Variants in LRRC28 observed in about 807,000 individuals in gnomAD.
LRRC28 encodes leucine-rich repeat-containing protein 28.
In LRRC28, 39 loss-of-function variants were observed where a neutral mutation model predicts 45.7. The observed-to-expected ratio is 0.85, with a 90% CI of 0.66 to 1.12. LRRC28 has a LOEUF of 1.12. Ranked by LOEUF, LRRC28 falls within the 50% of genes most tolerant of loss-of-function variation. LRRC28 has a pLI of 0.00. For synonymous variants in LRRC28, 206 were observed against 178.8 expected, an observed-to-expected ratio of 1.15 and a Z score of -1.22; for missense variants, 435 against 438.5, an observed-to-expected ratio of 0.99 and a Z score of 0.07.
intron 9 of LRRC28, among the ~76,000 whole-genome samples, chr15:99,370,354 C>G (rs1004195667): frequency 6.6e-6 from 1 of 152,120 alleles, no homozygotes; most frequent in Non-Finnish European, 1.5e-5. Flanking sequence ...AAGGTACTTT[C>G]GAAATATATG....
chr15:99,357,038 T>C (rs959307622), intron 7 of LRRC28, among the ~76,000 whole-genome samples: 11 of 152,200 alleles, frequency 7.2e-5, no homozygotes, highest in African/African-American at 2.7e-4. Context: ...TCTTTCCATC[T>C]CCATATCCAC....
At chr15:99,330,521 AT>A in intron 5 of LRRC28, among the ~76,000 whole-genome samples, 1 of 151,642 alleles carries the variant, frequency 6.6e-6, no homozygotes. Context: ...TTTCTTGTCT[AT>A]TTTTTTCTGA....
At chr15:99,256,287 T>C in intron 2 of LRRC28, 162 bp downstream of exon 2, 1 of 539,572 alleles carries the variant, frequency 1.9e-6, no homozygotes, top group Non-Finnish European at 3.0e-6. Flanking sequence ...TGGCTATGAA[T>C]TTGTTATCCA....
chr15:99,373,524 CTAA>C (rs1957542356), intron 9 of LRRC28, among the ~76,000 whole-genome samples: 1 of 152,116 alleles, frequency 6.6e-6, no homozygotes, highest in African/African-American at 2.4e-5. Context: ...CTTTGTATTA[CTAA>C]CAATGCAATT....
intron 3 of LRRC28, among the ~76,000 whole-genome samples, chr15:99,284,124 C>T (rs764937997): frequency 5.5e-4 from 84 of 152,264 alleles, no homozygotes; most frequent in Non-Finnish European, 8.7e-4. Context: ...CTTCAGAGCC[C>T]GCTCTCTGAT....
chr15:99,271,895 G>T (rs1345999405), intron 2 of LRRC28, among the ~76,000 whole-genome samples: 1 of 152,142 alleles, frequency 6.6e-6, no homozygotes, highest in Non-Finnish European at 1.5e-5. Context: ...CACTGCACCT[G>T]GCCAGTGTAT....
intron 2 of LRRC28, among the ~76,000 whole-genome samples, chr15:99,267,824 T>A (rs2081371431): frequency 6.6e-6 from 1 of 152,200 alleles, no homozygotes; most frequent in Non-Finnish European, 1.5e-5. Flanking sequence ...GTCAGTAATG[T>A]GAAACGGTGA....
chr15:99,359,403 C>G (rs1434649885), intron 7 of LRRC28, among the ~76,000 whole-genome samples: 2 of 152,168 alleles, frequency 1.3e-5, no homozygotes, highest in Non-Finnish European at 2.9e-5. Context: ...GGACAGTTTA[C>G]AGAAGAAGAA....
intron 3 of LRRC28, among the ~76,000 whole-genome samples, chr15:99,278,298 G>A (rs1445035095): frequency 1.3e-5 from 2 of 152,166 alleles, no homozygotes; most frequent in Non-Finnish European, 2.9e-5. Context: ...ACCCAGGCTG[G>A]AGTGCAGTGG....
intron 3 of LRRC28, chr15:99,285,794 T>C (rs2081942892): frequency 4.3e-6 from 2 of 469,050 alleles, no homozygotes; most frequent in Admixed American, 2.8e-5. Context: ...GGCAAGTATT[T>C]TGTTGAAAAA....
chr15:99,352,198 A>G (rs1011020149), intron 6 of LRRC28, among the ~76,000 whole-genome samples, 171 bp from the exon 7 acceptor site: 1 of 152,238 alleles, frequency 6.6e-6, no homozygotes, highest in African/African-American at 2.4e-5. Flanking sequence ...ATCAAGGGGC[A>G]GAACTAGGCT....
At chr15:99,380,093 G>C (rs1957771774) in intron 9 of LRRC28, among the ~76,000 whole-genome samples, 1 of 152,294 alleles carries the variant, frequency 6.6e-6, no homozygotes, top group Non-Finnish European at 1.5e-5. Context: ...GGATATCCTT[G>C]TTAACTTTCT....
At chr15:99,329,916 A>G (rs916223789) in intron 5 of LRRC28, among the ~76,000 whole-genome samples, 4 of 152,280 alleles carry the variant, frequency 2.6e-5, no homozygotes, top group East Asian at 3.9e-4. Flanking sequence ...GCTTGTAACT[A>G]TTATACCCAT....
At chr15:99,318,543 T>C (rs138645807) in intron 5 of LRRC28, among the ~76,000 whole-genome samples, 22 of 152,192 alleles carry the variant, frequency 1.4e-4, no homozygotes, top group African/African-American at 5.1e-4. Flanking sequence ...ACCCTTGATA[T>C]TAATCATTTT....
At chr15:99,295,433 G>A (rs2082237781) in intron 5 of LRRC28, among the ~76,000 whole-genome samples, 1 of 152,102 alleles carries the variant, frequency 6.6e-6, no homozygotes, top group Non-Finnish European at 1.5e-5. Context: ...AAGGATTGTT[G>A]GGGAAAGGCT....
rs1956192269 is a variant in LRRC28 at position 99,332,502 on chromosome 15, A to G, written c.386-1421A>G. ...AATTATTTTAAATCCTCCTACTAAC[A>G]AAAAGTCTATAGCAAAGATCAGCAA... On this transcript the variant is annotated intron_variant, in intron 5 of 9. Transcript: ENST00000301981. Among the ~76,000 whole-genome samples the G allele has an allele frequency of 2.0e-5, 3 of 152,244 alleles. No homozygotes were observed. In the South Asian group the frequency reaches 6.2e-4, roughly 31 times the overall value.
In LRRC28 at chr15:99,367,628, AC is replaced by A. The variant is rs147266669; in HGVS notation, c.1031+4365del. On this transcript the variant is annotated intron_variant, in intron 9 of 9. Coordinates refer to ENST00000301981, the MANE Select transcript of LRRC28 (RefSeq NM_144598.5). Reference sequence around the variant, plus strand: ...CATAAACTTTGGAGGGGACATTCAAACCATAGCACTTGAGTTCACTGGTTTA... The same window carrying A: ...CATAAACTTTGGAGGGGACATTCAAACATAGCACTTGAGTTCACTGGTTTA... Among the ~76,000 whole-genome samples the A allele has an allele frequency of 2.5e-3, 374 of 152,288 alleles. 3 individuals are homozygous for A. Among genetic ancestry groups the A allele is most frequent in the African/African-American group, 8.7e-3 (360 of 41,576 alleles).
chr15:99,280,369 T>C (rs2081749018), intron 3 of LRRC28, among the ~76,000 whole-genome samples: 1 of 152,082 alleles, frequency 6.6e-6, no homozygotes, highest in Admixed American at 6.6e-5. Context: ...ACTCTGTGTC[T>C]AGCCCTAGGT....
In LRRC28 at chr15:99,328,440, G is replaced by A. The variant is rs544045556; in HGVS notation, c.386-5483G>A. 3.3e-5 allele frequency among the ~76,000 whole-genome samples: 5 copies of A among 152,204 alleles called. No individual in the cohort carries two copies. The South Asian group carries it at 1.0e-3, about 32-fold the overall frequency. On this transcript the variant is annotated intron_variant, in intron 5 of 9. Coordinates refer to ENST00000301981, the MANE Select transcript of LRRC28 (RefSeq NM_144598.5). ...TACCAGGATAGTTGCATCATGTTAG[G>A]TGGAACTATTACCTTGTTATTGTCT...
Sources: allele counts gnomAD v4.1 joint callset (sites outside exome capture counted in the v4.1 genomes callset), GRCh38; gene constraint gnomAD v4.1.1; transcripts MANE v1.5; gene names NCBI Gene and HGNC (gene_info 2026-07-23, HGNC 2026-07-21).